The following HECTD4 variants were observed in gnomAD, a reference collection of about 807,000 sequenced individuals.
HECTD4 encodes probable E3 ubiquitin-protein ligase HECTD4.
Under a neutral mutation model 471.5 loss-of-function variants are expected in HECTD4, and 114 were observed. The observed-to-expected ratio is 0.24, with a 90% CI of 0.21 to 0.28. The LOEUF (loss-of-function observed/expected upper bound fraction) is 0.28, where lower values mean the gene tolerates loss of function less well. HECTD4 is among the 10% of genes least tolerant of loss of function. HECTD4 has a pLI of 1.00. For missense variants in HECTD4, 3,866 were observed against 5,651.5 expected, an observed-to-expected ratio of 0.68 and a Z score of 10.13; for synonymous variants, 2,012 against 2,256.0, an observed-to-expected ratio of 0.89 and a Z score of 3.07.
chr12:112,171,254 A>C lies in HECTD4; in HGVS notation c.11795T>G (p.Ile3932Ser). 6.2e-7 allele frequency: 1 copy of C among 1,605,712 alleles called. No homozygotes were observed. Among genetic ancestry groups the C allele is most frequent in the Non-Finnish European group, 8.5e-7 (1 of 1,176,474 alleles). The stretch of plus-strand genomic sequence containing the variant: ...GGCGAAGCGCAGGCGCAGGCTCTCG[A>C]TGGGCACGTCTGAGGGCGCAGGAGC... ...PRVACLLNVP[I>S]ESLRLRFALL... Residue 3932 changes from isoleucine (I) to serine (S), a missense_variant, in exon 68 of 76, where the codon ATC (isoleucine) becomes AGC (serine). Physicochemically the swap from Ile to Ser is moderately radical, Grantham distance 142 (BLOSUM62 -2). Around this residue, in one of 16 missense-constraint regions of HECTD4, gnomAD observed 715 missense variants for 1,087.6 expected, o/e 0.66. Transcript: ENST00000682272.
At chr12:112,176,745 C>T in intron 64 of HECTD4, 43 bp from the exon 65 acceptor site, 1 of 1,344,668 alleles carries the variant, frequency 7.4e-7, no homozygotes, top group Non-Finnish European at 1.1e-6. Flanking sequence ...CACGTTCACA[C>T]CTCCTCCCGA....
At position 112,319,942 on chromosome 12, in the gene HECTD4, A is replaced by C. The variant is rs908871553; in HGVS notation, c.178-200T>G. On this transcript the variant is annotated intron_variant, in intron 1 of 75. Transcript: ENST00000682272. The surrounding 1 kb of genome is among the most constrained non-coding windows in gnomAD (Gnocchi z 5.3). ...TTTTGGCTTTTCTGTTAATGCTTCCATGAAAATTGGGATTAGACCTAATTG... is the reference window on the plus strand; with the variant it reads ...TTTTGGCTTTTCTGTTAATGCTTCCCTGAAAATTGGGATTAGACCTAATTG... Among the ~76,000 whole-genome samples the C allele has an allele frequency of 7.9e-5, 12 of 152,266 alleles. No individual in the cohort carries two copies. The highest frequency in any genetic ancestry group is 2.9e-4 in the African/African-American group (12 of 41,478).
intron 55 of HECTD4, among the ~76,000 whole-genome samples, chr12:112,198,882 C>A (rs1405550653): frequency 6.6e-6 from 1 of 151,968 alleles, no homozygotes; most frequent in Admixed American, 6.6e-5. Context: ...ACTAGTGACC[C>A]CTCACAGGCA....
chr12:112,255,248 G>A (rs779161660), intron 21 of HECTD4, among the ~76,000 whole-genome samples: 4 of 152,184 alleles, frequency 2.6e-5, no homozygotes, highest in African/African-American at 4.8e-5. Context: ...CCTGAACCTG[G>A]GAAATGGGGG....
At chr12:112,210,330 A>G in intron 49 of HECTD4, 78 bp from the exon 50 acceptor site, 1 of 1,428,770 alleles carries the variant, frequency 7.0e-7, no homozygotes, top group Non-Finnish European at 9.8e-7. Flanking sequence ...GGCGCAGCTC[A>G]CTAAACGTCA....
In HECTD4 at chr12:112,370,882, T is replaced by C. The variant is rs189787712; in HGVS notation, c.177+11070A>G. 6.1e-4 allele frequency among the ~76,000 whole-genome samples: 93 copies of C among 152,318 alleles called. 2 individuals carry two copies. In the South Asian group the frequency reaches 0.015, roughly 24 times the overall value. ...ATTTCTCTCCTATGCATTTGTCCCA[T>C]AGTTGATCACCTGCTGTTATTTACA... is the stretch of plus-strand genomic sequence containing the variant. On this transcript the variant is annotated intron_variant, in intron 1 of 75. Coordinates refer to ENST00000682272, the MANE Select transcript of HECTD4 (RefSeq NM_001388303.1).
chr12:112,331,453 T>C (rs1262151206), intron 1 of HECTD4, among the ~76,000 whole-genome samples: 1 of 152,204 alleles, frequency 6.6e-6, no homozygotes, highest in African/African-American at 2.4e-5. Flanking sequence ...CTAGGTTCTA[T>C]GCCAGCCTCT....
At chr12:112,256,669 T>A (rs1158042844) in intron 20 of HECTD4, 151 bp from the exon 21 acceptor site, 1 of 432,572 alleles carries the variant, frequency 2.3e-6, no homozygotes, top group African/African-American at 2.0e-5. Context: ...CAGAAACATT[T>A]TAAAAATTCC....
Position 112,208,865 on chromosome 12 carries a change from T to A in HECTD4, c.7868-235A>T, listed in dbSNP as rs115188495. The stretch of plus-strand genomic sequence containing the variant: ...TCAATTCAGAGAAGACTTTAGAAAG[T>A]CCTTCACTATAGATAGAACTAAACA... On this transcript the variant is annotated intron_variant, in intron 50 of 75. Transcript: ENST00000682272. 6.1e-3 allele frequency among the ~76,000 whole-genome samples: 908 copies of A among 149,902 alleles called. 11 individuals carry two copies. Among genetic ancestry groups the A allele is most frequent in the African/African-American group, 0.021 (843 of 40,900 alleles).
In HECTD4 at chr12:112,179,656, C is replaced by T. The variant is rs1010810683; in HGVS notation, c.10988-259G>A. ...ATGGGGACCAGGCTGCTGTCCTCTG[C>T]ACTTGGCCCCTACCTGGTTGCTCGG... On this transcript the variant is annotated intron_variant, in intron 62 of 75. Transcript: ENST00000682272. The surrounding 1 kb of genome is among the most constrained non-coding windows in gnomAD (Gnocchi z 4.3). Among the ~76,000 whole-genome samples, 1 of 152,218 alleles carries T rather than the reference C, an allele frequency of 6.6e-6. No homozygotes were observed. The highest frequency in any genetic ancestry group is 6.5e-5 in the Admixed American group (1 of 15,288).
chr12:112,169,888 C>T (rs1227466207), intron 69 of HECTD4: 7 of 603,348 alleles, frequency 1.2e-5, no homozygotes. Context: ...TGCTTGGCCC[C>T]TTCTCATCTT....
At chr12:112,227,786 A>G (rs947816958) in intron 43 of HECTD4, among the ~76,000 whole-genome samples, 2 of 152,154 alleles carry the variant, frequency 1.3e-5, no homozygotes, top group Non-Finnish European at 2.9e-5. Flanking sequence ...GTGATGGAAC[A>G]GAGTTCTTTT....
At chr12:112,259,703 G>A (rs1301609817) in intron 18 of HECTD4, among the ~76,000 whole-genome samples, 2 of 151,952 alleles carry the variant, frequency 1.3e-5, no homozygotes, top group Admixed American at 6.6e-5. Context: ...TTGCTACATG[G>A]TGCATTTCAT....
intron 7 of HECTD4, among the ~76,000 whole-genome samples, chr12:112,292,721 T>A (rs568176565): frequency 1.1e-4 from 17 of 152,160 alleles, no homozygotes; most frequent in African/African-American, 3.4e-4. Context: ...AAAATAAAAA[T>A]ACCGGGAAAA....
rs1339687173 is a variant in HECTD4, at chr12:112,228,621, T to C, written c.6684+26A>G. The C allele has an allele frequency of 1.3e-6, 2 of 1,588,490 alleles. No individual in the cohort carries two copies. The highest frequency in any genetic ancestry group is 1.7e-6 in the Non-Finnish European group (2 of 1,168,876). ...GTACAGTTACCATTGGCAGACATTTTACAAAGCATTTAAAAATCACCTTAC... is the reference window on the plus strand; with the variant it reads ...GTACAGTTACCATTGGCAGACATTTCACAAAGCATTTAAAAATCACCTTAC... On this transcript the variant is annotated intron_variant, in intron 42 of 75. Transcript: ENST00000682272. This position sits in a 1 kb window ranked among gnomAD's most constrained non-coding sequence, Gnocchi z 4.9.
chr12:112,200,857 G>A (rs748722258), intron 54 of HECTD4, 59 bp from the exon 55 acceptor site: 53 of 1,500,418 alleles, frequency 3.5e-5, no homozygotes, highest in East Asian at 1.1e-4. Flanking sequence ...CCATGTGTGC[G>A]TGCGTGCGTG....
chr12:112,324,284 A>C (rs1178920450), intron 1 of HECTD4, among the ~76,000 whole-genome samples: 3 of 149,702 alleles, frequency 2.0e-5, no homozygotes, highest in African/African-American at 4.9e-5. Flanking sequence ...TATGCAGCTA[A>C]TTTTTTGTAT....
chr12:112,292,854 C>G (rs2034918146), intron 7 of HECTD4, among the ~76,000 whole-genome samples: 1 of 152,080 alleles, frequency 6.6e-6, no homozygotes, highest in African/African-American at 2.4e-5. Flanking sequence ...AACCCCGTCC[C>G]TACTAAAAAT....
intron 44 of HECTD4, among the ~76,000 whole-genome samples, chr12:112,222,421 C>T (rs571543517): frequency 2.8e-4 from 42 of 152,270 alleles, no homozygotes; most frequent in Non-Finnish European, 5.0e-4. Context: ...AATCCCAGCA[C>T]TTTGGGAGGT....
Sources: allele counts gnomAD v4.1 joint callset (sites outside exome capture counted in the v4.1 genomes callset), GRCh38; gene constraint gnomAD v4.1.1; regional missense constraint gnomAD v4.1.1; non-coding constraint Gnocchi (gnomAD v3.1); transcripts MANE v1.5; gene names NCBI Gene and HGNC (gene_info 2026-07-23, HGNC 2026-07-21).